The following RAD51B variants were observed in gnomAD, a reference collection of about 807,000 sequenced individuals.
RAD51B encodes RAD51 paralog B.
A neutral mutation model predicts 42.2 loss-of-function variants in RAD51B; 38 were observed. The ratio of observed to expected loss-of-function variants is 0.90; its 90% CI spans 0.70 to 1.18. The LOEUF (loss-of-function observed/expected upper bound fraction) is 1.18. Among genes scored for constraint, RAD51B ranks in the 50% most tolerant of loss-of-function variants. The pLI is 0.00. For missense variants in RAD51B, 373 were observed against 400.7 expected (o/e 0.93, Z 0.59); for synonymous variants, 154 against 145.2 (o/e 1.06, Z -0.43).
chr14:68,430,116 T>A (rs1467088736), intron 9 of RAD51B, among the ~76,000 whole-genome samples: 3 of 152,206 alleles, frequency 2.0e-5, no homozygotes, highest in Non-Finnish European at 4.4e-5. Context: ...TATCTCTGTT[T>A]TGGTACCAGT....
intron 7 of RAD51B, among the ~76,000 whole-genome samples, chr14:68,033,430 T>C (rs1008941711): frequency 4.6e-5 from 7 of 152,200 alleles, no homozygotes; most frequent in African/African-American, 1.7e-4. Flanking sequence ...TTTTTTTTTC[T>C]ATTTGGATGC....
chr14:68,670,164 C>A (rs17106125), intron 11 of RAD51B, among the ~76,000 whole-genome samples: 27,535 of 152,190 alleles, frequency 0.18, 2,654 homozygotes, highest in Admixed American at 0.22. Context: ...ACAGACCAGG[C>A]CGACCCTTCC....
At chr14:68,087,652 G>A (rs2077005228) in intron 7 of RAD51B, among the ~76,000 whole-genome samples, 1 of 151,178 alleles carries the variant, frequency 6.6e-6, no homozygotes, top group African/African-American at 2.4e-5. Context: ...CTGTGAGGAT[G>A]TTACAGAGTC....
chr14:68,094,928 A>G (rs1260415745), intron 7 of RAD51B, among the ~76,000 whole-genome samples: 1 of 152,182 alleles, frequency 6.6e-6, no homozygotes, highest in African/African-American at 2.4e-5. Flanking sequence ...ACAGGAATTT[A>G]TGTTTTTTTC....
At chr14:68,398,981 C>G (rs1156526827) in intron 8 of RAD51B, among the ~76,000 whole-genome samples, 3 of 152,118 alleles carry the variant, frequency 2.0e-5, no homozygotes, top group South Asian at 2.1e-4. Context: ...TCCAAAGATT[C>G]TGATTCATCA....
intron 7 of RAD51B, among the ~76,000 whole-genome samples, chr14:67,927,069 G>A (rs2044540680): frequency 6.6e-6 from 1 of 152,170 alleles, no homozygotes; most frequent in Admixed American, 6.5e-5. Flanking sequence ...TTTAAGCAGT[G>A]CTCAAGATCA....
chr14:68,327,689 C>A (rs982491057), intron 8 of RAD51B, among the ~76,000 whole-genome samples: 1 of 151,372 alleles, frequency 6.6e-6, no homozygotes, highest in Non-Finnish European at 1.5e-5. Flanking sequence ...CAAGTTCTAA[C>A]CATTATGAGT....
intron 7 of RAD51B, among the ~76,000 whole-genome samples, chr14:68,254,935 T>C (rs1338354888): frequency 6.6e-6 from 1 of 152,202 alleles, no homozygotes; most frequent in Non-Finnish European, 1.5e-5. Flanking sequence ...TATTCCTCTC[T>C]AGTGCTTTGA....
At chr14:68,490,880 T>A (rs560835355) in intron 10 of RAD51B, among the ~76,000 whole-genome samples, 5 of 152,058 alleles carry the variant, frequency 3.3e-5, no homozygotes, top group African/African-American at 1.2e-4. Flanking sequence ...AGCGGGGAGT[T>A]AGAAAAAGGC....
chr14:68,251,094 G>T (rs2080620620), intron 7 of RAD51B, among the ~76,000 whole-genome samples: 2 of 152,038 alleles, frequency 1.3e-5, no homozygotes, highest in Non-Finnish European at 2.9e-5. Flanking sequence ...AGTTGTCAAG[G>T]CCCTGCTGTT....
At chr14:68,679,767 T>C (rs1184280966) in intron 11 of RAD51B, among the ~76,000 whole-genome samples, 2 of 152,210 alleles carry the variant, frequency 1.3e-5, no homozygotes, top group Non-Finnish European at 2.9e-5. Context: ...GGAATTAGCA[T>C]CTCCTCTTCC....
chr14:67,829,865 A>T (rs982773426), intron 3 of RAD51B, among the ~76,000 whole-genome samples: 1 of 152,202 alleles, frequency 6.6e-6, no homozygotes, highest in African/African-American at 2.4e-5. Context: ...GCTAAATCCT[A>T]TGAAGGAAAA....
intron 7 of RAD51B, among the ~76,000 whole-genome samples, chr14:67,972,890 A>C (rs1317230083): frequency 6.6e-6 from 1 of 152,094 alleles, no homozygotes; most frequent in Non-Finnish European, 1.5e-5. Context: ...GTGAGAGGCA[A>C]CACTAAATTT....
chr14:68,496,835 T>A (rs545301328), intron 10 of RAD51B, among the ~76,000 whole-genome samples: 1 of 152,338 alleles, frequency 6.6e-6, no homozygotes, highest in East Asian at 1.9e-4. Flanking sequence ...GACAGTTCCA[T>A]CAACAGACTA....
At chr14:68,298,290 C>T (rs1284434160) in intron 8 of RAD51B, among the ~76,000 whole-genome samples, 1 of 152,116 alleles carries the variant, frequency 6.6e-6, no homozygotes, top group African/African-American at 2.4e-5. Flanking sequence ...GATTTTCAGC[C>T]TGGAGGCCAG....
chr14:68,515,612 CT>C lies in RAD51B; in HGVS notation c.1036+47374del, dbSNP rs201272989. Among the ~76,000 whole-genome samples the C allele has an allele frequency of 2.6e-3, 368 of 141,324 alleles. 1 individual carries two copies. Among genetic ancestry groups the C allele is most frequent in the African/African-American group, 6.9e-3 (268 of 38,764 alleles). The allele number at this position is 141,324 out of a possible 152,430, so 92.7% of individuals were successfully genotyped here. On this transcript the variant is annotated intron_variant, in intron 10 of 10. Transcript: ENST00000487270. Reference sequence around the variant, plus strand: ...TACAGGTGTGCACCACCATTCCTGGCTTTTTTTTTTTTCTTTTAGAGATGGG... The same window carrying C: ...TACAGGTGTGCACCACCATTCCTGGCTTTTTTTTTTTCTTTTAGAGATGGG...
chr14:68,404,594 A>G (rs1219504875), intron 8 of RAD51B, among the ~76,000 whole-genome samples: 2 of 152,198 alleles, frequency 1.3e-5, no homozygotes, highest in Non-Finnish European at 2.9e-5. Flanking sequence ...TATCACTGCA[A>G]TCACCCTTCA....
intron 7 of RAD51B, among the ~76,000 whole-genome samples, chr14:68,039,325 G>A (rs1191476398): frequency 6.6e-6 from 1 of 151,766 alleles, no homozygotes; most frequent in Non-Finnish European, 1.5e-5. Flanking sequence ...CTACTCAGGA[G>A]GCTGAGGCAG....
intron 8 of RAD51B, among the ~76,000 whole-genome samples, chr14:68,392,810 A>G (rs1165975242): frequency 1.3e-5 from 2 of 152,188 alleles, no homozygotes; most frequent in East Asian, 1.9e-4. Context: ...ATTTCGACTC[A>G]TGCCCTTTCC....
Sources: allele counts gnomAD v4.1 joint callset (sites outside exome capture counted in the v4.1 genomes callset), GRCh38; gene constraint gnomAD v4.1.1; transcripts MANE v1.5; gene names NCBI Gene and HGNC (gene_info 2026-07-23, HGNC 2026-07-21).